AFG3L2: variants seen among roughly 807,000 people sequenced by gnomAD.
AFG3L2 encodes the protein mitochondrial inner membrane m-AAA protease component AFG3L2.
In AFG3L2, 54 loss-of-function variants were observed where a neutral mutation model predicts 94.5. The observed-to-expected ratio is 0.57, with a 90% CI of 0.46 to 0.72. AFG3L2 has a LOEUF of 0.72. Among genes scored for constraint, AFG3L2 ranks in the 30% least tolerant of loss-of-function variants. The pLI is 0.00. For synonymous variants in AFG3L2, 377 were observed against 365.5 expected (o/e 1.03, Z -0.36); for missense variants, 754 against 994.9 (o/e 0.76, Z 3.26).
At chr18:12,337,312 A>G in intron 16 of AFG3L2, 29 bp downstream of exon 16, 1 of 1,605,242 alleles carries the variant, frequency 6.2e-7, no homozygotes, top group African/African-American at 1.3e-5. Context: ...GCAAAACTGT[A>G]AAGAATTATT....
intron 6 of AFG3L2, among the ~76,000 whole-genome samples, chr18:12,360,510 A>G (rs890607753): frequency 6.6e-6 from 1 of 152,162 alleles, no homozygotes; most frequent in African/African-American, 2.4e-5. Flanking sequence ...AGTTCATTCA[A>G]TCCTGAGGAC....
At chr18:12,351,269 A>C (rs1377162146) in intron 11 of AFG3L2, 37 bp downstream of exon 11, 1 of 1,613,952 alleles carries the variant, frequency 6.2e-7, no homozygotes, top group Non-Finnish European at 8.5e-7. Flanking sequence ...ACCTACACTC[A>C]TGAGCACTGG....
chr18:12,331,808 AATATATATATATATATATATATATATAT>A (rs35558132), intron 16 of AFG3L2, among the ~76,000 whole-genome samples: 3 of 146,424 alleles, frequency 2.0e-5, no homozygotes, highest in East Asian at 2.0e-4. Flanking sequence ...TAAATAAATA[AATATATATATATATATATATATATATAT>A]ATATATATAT....
intron 1 of AFG3L2, among the ~76,000 whole-genome samples, chr18:12,374,724 C>A (rs145846608): frequency 1.4e-3 from 215 of 152,268 alleles, no homozygotes; most frequent in African/African-American, 5.0e-3. Context: ...CAGATCCCCA[C>A]CTGGAACTGT....
At chr18:12,335,105 T>G (rs1242289938) in intron 16 of AFG3L2, among the ~76,000 whole-genome samples, 1 of 152,172 alleles carries the variant, frequency 6.6e-6, no homozygotes, top group African/African-American at 2.4e-5. Context: ...CCTCACTCAT[T>G]GCTCACAAGG....
At chr18:12,362,357 C>T (rs1029558034) in intron 6 of AFG3L2, among the ~76,000 whole-genome samples, 4 of 152,164 alleles carry the variant, frequency 2.6e-5, no homozygotes, top group East Asian at 1.9e-4. Flanking sequence ...AATATACATT[C>T]GCTGTAAAAA....
intron 5 of AFG3L2, among the ~76,000 whole-genome samples, chr18:12,366,427 C>G (rs574678113): frequency 6.6e-6 from 1 of 152,156 alleles, no homozygotes; most frequent in African/African-American, 2.4e-5. Flanking sequence ...AAGGCTGCTC[C>G]GCAGACAGAG....
intron 10 of AFG3L2, 98 bp from the exon 11 acceptor site, chr18:12,351,511 C>CAGT: frequency 1.0e-6 from 1 of 993,450 alleles, no homozygotes; most frequent in Non-Finnish European, 1.6e-6. Context: ...TTCATAGCTA[C>CAGT]AGTAAACACA....
chr18:12,350,536 T>TA (rs1460720845), intron 12 of AFG3L2, among the ~76,000 whole-genome samples: 2 of 152,096 alleles, frequency 1.3e-5, no homozygotes, highest in African/African-American at 4.8e-5. Flanking sequence ...AGGGTATAGA[T>TA]AAAAGTAAGG....
chr18:12,351,282 C>T, intron 11 of AFG3L2, 24 bp downstream of exon 11: 1 of 1,614,034 alleles, frequency 6.2e-7, no homozygotes, highest in Non-Finnish European at 8.5e-7. Context: ...AGCACTGGAC[C>T]TGCCCCAGCA....
chr18:12,362,989 A>T (rs1308435286), intron 6 of AFG3L2, among the ~76,000 whole-genome samples: 1 of 152,244 alleles, frequency 6.6e-6, no homozygotes, highest in African/African-American at 2.4e-5. Flanking sequence ...CACTAGGTAG[A>T]GGGAATGGGA....
At chr18:12,370,313 A>G (rs1456420081) in intron 3 of AFG3L2, among the ~76,000 whole-genome samples, 1 of 152,186 alleles carries the variant, frequency 6.6e-6, no homozygotes, top group Non-Finnish European at 1.5e-5. Flanking sequence ...GTTTGACCAG[A>G]CAATACCTCT....
At chr18:12,334,302 A>AG (rs1469805932) in intron 16 of AFG3L2, among the ~76,000 whole-genome samples, 4 of 152,172 alleles carry the variant, frequency 2.6e-5, no homozygotes, top group African/African-American at 9.7e-5. Flanking sequence ...CAATAAACAG[A>AG]CCTTAGTTGT....
At chr18:12,376,777 C>T (rs1265052886) in intron 1 of AFG3L2, among the ~76,000 whole-genome samples, 192 bp downstream of exon 1, 1 of 152,252 alleles carries the variant, frequency 6.6e-6, no homozygotes, top group Admixed American at 6.5e-5. Flanking sequence ...ACTTGAATCC[C>T]ACAGGCAGGG....
At position 12,329,125 on chromosome 18, in the gene AFG3L2, G is replaced by T; in HGVS notation, c.*440C>A. 1.4e-6 allele frequency: 1 copy of T among 702,868 alleles called. No homozygotes were observed. Among genetic ancestry groups the T allele is most frequent in the Non-Finnish European group, 2.6e-6 (1 of 384,956 alleles). The allele number at this position is 702,868 out of a possible 1,614,324, so 43.5% of individuals were successfully genotyped here. Reference sequence around the variant, plus strand: ...AGTCAAATTAAAATGTTCTTATCAAGACTCCAATTTAATTTCACAGCCCAT... The same window carrying T: ...AGTCAAATTAAAATGTTCTTATCAATACTCCAATTTAATTTCACAGCCCAT... On this transcript the variant is annotated 3_prime_UTR_variant, in exon 17 of 17. Transcript: ENST00000269143.
At chr18:12,340,494 A>G (rs1907913769) in intron 14 of AFG3L2, 93 bp from the exon 15 acceptor site, 1 of 1,035,572 alleles carries the variant, frequency 9.7e-7, no homozygotes, top group South Asian at 1.3e-5. Context: ...TTGACTAAAA[A>G]TAAGCACAAC....
chr18:12,370,246 T>A (rs1568146664), intron 3 of AFG3L2, among the ~76,000 whole-genome samples: 1 of 152,122 alleles, frequency 6.6e-6, no homozygotes, highest in Non-Finnish European at 1.5e-5. Context: ...GTATTAGATT[T>A]CTACGATTTT....
rs371146948 is a variant in AFG3L2, at chr18:12,340,222, T to C, written c.1959A>G (p.Val653=). 1 of 1,613,984 alleles carries C rather than the reference T, an allele frequency of 6.2e-7. No homozygotes were observed. Among genetic ancestry groups the C allele is most frequent in the African/African-American group, 1.3e-5 (1 of 74,952 alleles). The change falls in exon 15 of 17, where the codon GTA becomes GTG. Residue 653 remains valine, a synonymous_variant. Coordinates refer to ENST00000269143, the MANE Select transcript of AFG3L2 (RefSeq NM_006796.3). ...TCACTTGGGCATATGCACTCTGAGT[T>C]ACTTTTCTCAAGTCATCTTGAGCAC... ...TTGAQDDLRK[V]TQSAYAQIVQ... is the part of the protein sequence containing the mutation.
In AFG3L2 at chr18:12,346,676, GGCA is replaced by G. The variant is rs371693731; in HGVS notation, c.1663+1594_1663+1596del. Among the ~76,000 whole-genome samples the G allele has an allele frequency of 5.9e-5, 9 of 152,284 alleles. No individual in the cohort carries two copies. The South Asian group carries it at 1.2e-3, about 21-fold the overall frequency. On this transcript the variant is annotated intron_variant, in intron 13 of 16. Coordinates refer to ENST00000269143, the MANE Select transcript of AFG3L2 (RefSeq NM_006796.3). ...CCGAACACTTTGGGAGGCCGAGGCA[GGCA>G]GATCACCTGAGGTCAGGAGTTCGAG...
Sources: allele counts gnomAD v4.1 joint callset (sites outside exome capture counted in the v4.1 genomes callset), GRCh38; gene constraint gnomAD v4.1.1; transcripts MANE v1.5; gene names NCBI Gene and HGNC (gene_info 2026-07-23, HGNC 2026-07-21).